The following HS6ST2 variants were observed in gnomAD, a reference collection of about 807,000 sequenced individuals.
HS6ST2 encodes the protein heparan-sulfate 6-O-sulfotransferase 2.
HS6ST2 carries 17 observed loss-of-function variants against 33.0 expected under a neutral mutation model. The ratio of observed to expected loss-of-function variants is 0.52; its 90% CI spans 0.35 to 0.77. HS6ST2 has a LOEUF of 0.77. Among genes scored for constraint, HS6ST2 ranks in the 30% least tolerant of loss-of-function variants. The probability of loss-of-function intolerance (pLI) is 0.01; values close to 1 mark genes in which losing one functional copy is unlikely to be tolerated. For synonymous variants in HS6ST2, 248 were observed against 237.1 expected, an observed-to-expected ratio of 1.05 and a Z score of -0.42; for missense variants, 519 against 551.7, an observed-to-expected ratio of 0.94 and a Z score of 0.59.
At chrX:132,637,320 C>T (rs1395952840) in intron 4 of HS6ST2, among the ~76,000 whole-genome samples, 1 of 111,203 alleles carries the variant, frequency 9.0e-6, no homozygotes. Flanking sequence ...CTTCAGAGAT[C>T]AGAAGTCTCT....
Position 132,646,172 on chromosome X carries a change from T to A in HS6ST2, c.1068-17079A>T, listed in dbSNP as rs765658319. 6.2e-5 allele frequency among the ~76,000 whole-genome samples: 7 copies of A among 112,078 alleles called. No homozygotes were observed. The East Asian group carries it at 1.7e-3, about 27-fold the overall frequency. ...GGACAGGCAACCAGGGCCAGCCTTG[T>A]GGGGTGGCATAAGTTCAGGAGTGCT... On this transcript the variant is annotated intron_variant, in intron 4 of 4. Coordinates refer to ENST00000370833, the MANE Select transcript of HS6ST2 (RefSeq NM_001394073.1).
chrX:132,873,857 C>T (rs1347587873), intron 2 of HS6ST2, among the ~76,000 whole-genome samples: 2 of 111,024 alleles, frequency 1.8e-5, no homozygotes, highest in Non-Finnish European at 3.8e-5. Flanking sequence ...CCCTGGACCT[C>T]GGGTGAAATT....
chrX:132,806,247 T>C (rs1161486281), intron 2 of HS6ST2, among the ~76,000 whole-genome samples: 1 of 110,710 alleles, frequency 9.0e-6, no homozygotes, highest in African/African-American at 3.2e-5. Context: ...ATATTGCTAC[T>C]ACTTCTAAAT....
At chrX:132,937,568 A>T (rs919863209) in intron 2 of HS6ST2, among the ~76,000 whole-genome samples, 1 of 111,793 alleles carries the variant, frequency 8.9e-6, no homozygotes, top group Non-Finnish European at 1.9e-5. Context: ...CTGATTTTCA[A>T]CAAAGGCACT....
chrX:132,682,574 A>T (rs2063980667), intron 3 of HS6ST2, among the ~76,000 whole-genome samples: 1 of 111,078 alleles, frequency 9.0e-6, no homozygotes, highest in Admixed American at 9.5e-5. Context: ...AAAGCTGTTC[A>T]GTGCTTCTCC....
intron 2 of HS6ST2, among the ~76,000 whole-genome samples, chrX:132,849,201 T>A (rs774836338): frequency 7.2e-5 from 8 of 111,799 alleles, no homozygotes; most frequent in Non-Finnish European, 1.5e-4. Context: ...TTTTTGCTTT[T>A]ATTCCTTTAG....
chrX:132,862,375 G>A lies in HS6ST2; in HGVS notation c.947+94433C>T, dbSNP rs144754647. Among the ~76,000 whole-genome samples the A allele has an allele frequency of 5.5e-4, 62 of 112,064 alleles. 1 individual carries two copies. The East Asian group carries it at 0.015, about 27-fold the overall frequency. ...CTTAACAAATTTGGATACAAAAAGA[G>A]CAGGCACAGTCTAAATAGTGGCCAT... On this transcript the variant is annotated intron_variant, in intron 2 of 4. Transcript: ENST00000370833.
At chrX:132,902,284 G>A (rs763669923) in intron 2 of HS6ST2, among the ~76,000 whole-genome samples, 7 of 111,003 alleles carry the variant, frequency 6.3e-5, no homozygotes, top group Admixed American at 1.9e-4. Context: ...GTATTTTTTG[G>A]TAGAGGCGGG....
rs940814957 is a variant in HS6ST2 at position 132,741,693 on chromosome X, T to C, written c.948-33199A>G. 3.6e-5 allele frequency among the ~76,000 whole-genome samples: 4 copies of C among 111,394 alleles called. No individual in the cohort carries two copies. In the Admixed American group the frequency reaches 3.8e-4, roughly 11 times the overall value. On this transcript the variant is annotated intron_variant, in intron 2 of 4. Coordinates refer to ENST00000370833, the MANE Select transcript of HS6ST2 (RefSeq NM_001394073.1). ...CTCTCTCAGCCTTGCTGTCTTCCTC[T>C]ATAAAATGGAGGATAACAGCACCTA... is the stretch of plus-strand genomic sequence containing the variant.
chrX:132,823,091 G>A lies in HS6ST2; in HGVS notation c.948-114597C>T, dbSNP rs373704597. Among the ~76,000 whole-genome samples the A allele has an allele frequency of 2.7e-5, 3 of 112,178 alleles. No homozygotes were observed. The Admixed American group carries it at 2.8e-4, about 11-fold the overall frequency. On this transcript the variant is annotated intron_variant, in intron 2 of 4. Coordinates refer to ENST00000370833, the MANE Select transcript of HS6ST2 (RefSeq NM_001394073.1). Reference sequence around the variant, plus strand: ...CAAACTGCAAGACTTTGATAAAAAAGTTTGAAAGCTGTATAGCCTTTAATA... The same window carrying A: ...CAAACTGCAAGACTTTGATAAAAAAATTTGAAAGCTGTATAGCCTTTAATA...
chrX:132,945,675 A>G (rs1304167684), intron 2 of HS6ST2, among the ~76,000 whole-genome samples: 1 of 110,373 alleles, frequency 9.1e-6, no homozygotes, highest in African/African-American at 3.3e-5. Context: ...CTATGCAGCC[A>G]TAAAAAATGA....
chrX:132,926,987 C>A (rs1442557936), intron 2 of HS6ST2, among the ~76,000 whole-genome samples: 1 of 111,041 alleles, frequency 9.0e-6, no homozygotes, highest in Non-Finnish European at 1.9e-5. Context: ...CTGAGCCCCC[C>A]CATCCACAGA....
Position 132,958,487 on chromosome X carries a change from G to T in HS6ST2, c.116C>A (p.Ala39Glu), listed in dbSNP as rs1247288631. The change falls in exon 1 of 5, where the codon GCA (alanine) becomes GAA (glutamate). Residue 39 changes from alanine to glutamate, a missense_variant. Transcript: ENST00000370833. ...RRHSRVEAEL[A>E]ASRPGSVAAS... The stretch of plus-strand genomic sequence containing the variant: ...GGCGACCGACCCGGGCCGGCTCGCT[G>T]CCAATTCGGCCTCTACTCTGGAATG... 6 of 1,194,145 alleles carry T rather than the reference G, an allele frequency of 5.0e-6. No individual in the cohort carries two copies. The highest frequency in any genetic ancestry group is 6.8e-6 in the Non-Finnish European group (6 of 888,600).
chrX:132,930,218 T>C (rs1025467354), intron 2 of HS6ST2, among the ~76,000 whole-genome samples: 12 of 111,004 alleles, frequency 1.1e-4, no homozygotes, highest in Middle Eastern at 4.2e-3. Context: ...CTAGAGTGCA[T>C]TGGCATGATC....
At chrX:132,747,885 G>A (rs1291448252) in intron 2 of HS6ST2, among the ~76,000 whole-genome samples, 4 of 111,516 alleles carry the variant, frequency 3.6e-5, no homozygotes, top group African/African-American at 6.5e-5. Flanking sequence ...CTATGGGAAG[G>A]AAACTGCAGG....
chrX:132,841,312 C>T (rs1009034498), intron 2 of HS6ST2, among the ~76,000 whole-genome samples: 1 of 111,313 alleles, frequency 9.0e-6, no homozygotes, highest in Non-Finnish European at 1.9e-5. Context: ...TTAGTTGCTG[C>T]ATCCTTGGTC....
At chrX:132,634,212 TCAAAA>T (rs1418650624) in intron 4 of HS6ST2, among the ~76,000 whole-genome samples, 1 of 112,111 alleles carries the variant, frequency 8.9e-6, no homozygotes, top group Non-Finnish European at 1.9e-5. Flanking sequence ...CAGGCATTGA[TCAAAA>T]CAGAGCAAGA....
chrX:132,919,635 A>G (rs1213470330), intron 2 of HS6ST2, among the ~76,000 whole-genome samples: 9 of 112,099 alleles, frequency 8.0e-5, no homozygotes, highest in African/African-American at 1.3e-4. Flanking sequence ...ATCTTGCATT[A>G]GTGAATTCCT....
chrX:132,949,665 A>G (rs1182220877), intron 2 of HS6ST2, among the ~76,000 whole-genome samples: 1 of 111,358 alleles, frequency 9.0e-6, no homozygotes, highest in Non-Finnish European at 1.9e-5. Flanking sequence ...AGCTTAGTAA[A>G]ACATTATTTT....
Sources: gnomAD v4.1 joint callset for allele counts (sites outside exome capture counted in the v4.1 genomes callset) on GRCh38, gnomAD v4.1.1 for gene constraint, MANE v1.5 for transcripts, NCBI Gene and HGNC (gene_info 2026-07-23, HGNC 2026-07-21) for gene names.